Variants in UPF1 observed in about 807,000 individuals in gnomAD.
UPF1 encodes regulator of nonsense transcripts 1.
UPF1 carries 9 observed loss-of-function variants against 129.2 expected under a neutral mutation model. The ratio of observed to expected loss-of-function variants is 0.07; its 90% CI spans 0.04 to 0.12. UPF1 has a LOEUF of 0.12. UPF1 is among the 10% of genes least tolerant of loss of function. The pLI, the probability that UPF1 is intolerant of heterozygous loss-of-function variation, is 1.00. For synonymous variants in UPF1, 649 were observed against 644.9 expected, an observed-to-expected ratio of 1.01 and a Z score of -0.10; for missense variants, 788 against 1,525.3, an observed-to-expected ratio of 0.52 and a Z score of 8.05.
At position 18,857,445 on chromosome 19, in the gene UPF1, G is replaced by A. The variant is rs962123828; in HGVS notation, c.2094G>A (p.Leu698=). 3 of 1,613,706 alleles carry A rather than the reference G, an allele frequency of 1.9e-6. No individual in the cohort carries two copies. Among genetic ancestry groups the A allele is most frequent in the African/African-American group, 1.3e-5 (1 of 74,956 alleles). ...TGCTGGGCATCCGGCCCATCCGCCT[G>A]CAGGTCCAGTACCGGATGCACCCTG... is the stretch of plus-strand genomic sequence containing the variant. ...LVVLGIRPIR[L]QVQYRMHPAL... The change falls in exon 15 of 24, where the codon CTG becomes CTA. Residue 698 remains leucine, a synonymous_variant. Coordinates refer to ENST00000262803, the MANE Select transcript of UPF1 (RefSeq NM_002911.4).
At chr19:18,842,837 T>C (rs1354794323) in intron 1 of UPF1, among the ~76,000 whole-genome samples, 1 of 151,864 alleles carries the variant, frequency 6.6e-6, no homozygotes, top group Admixed American at 6.6e-5. Flanking sequence ...CTGTCTCTAC[T>C]AAAAATAGGC....
intron 1 of UPF1, among the ~76,000 whole-genome samples, chr19:18,833,578 G>A (rs1601089608): frequency 6.6e-6 from 1 of 152,054 alleles, no homozygotes; most frequent in East Asian, 1.9e-4. Flanking sequence ...GGGGGGTGGC[G>A]CGTGTTGCAC....
At position 18,850,429 on chromosome 19, in the gene UPF1, C is replaced by T. The variant is rs987300983; in HGVS notation, c.629+187C>T. 2.6e-5 allele frequency among the ~76,000 whole-genome samples: 4 copies of T among 152,212 alleles called. No homozygotes were observed. The highest frequency in any genetic ancestry group is 5.9e-5 in the Non-Finnish European group (4 of 68,038). ...AGGCTTGTTAAGGAGTCGGCAGTGC[C>T]GTGTAACTCTTTTGGGGCGTTCTGG... On this transcript the variant is annotated intron_variant, in intron 4 of 23. Coordinates refer to ENST00000262803, the MANE Select transcript of UPF1 (RefSeq NM_002911.4). This position sits in a 1 kb window ranked among gnomAD's most constrained non-coding sequence, Gnocchi z 7.1.
chr19:18,845,254 A>T (rs1237786071), intron 1 of UPF1, among the ~76,000 whole-genome samples: 2 of 152,148 alleles, frequency 1.3e-5, no homozygotes, highest in Admixed American at 6.5e-5. Context: ...TAGGTGGCCT[A>T]TGGGGGCCAT....
At position 18,832,205 on chromosome 19, in the gene UPF1, G is replaced by T. The variant is rs1409603450; in HGVS notation, c.-5G>T. 1 of 1,536,772 alleles carries T rather than the reference G, an allele frequency of 6.5e-7. No individual in the cohort carries two copies. Among genetic ancestry groups the T allele is most frequent in the Non-Finnish European group, 8.8e-7 (1 of 1,140,736 alleles). On this transcript the variant is annotated 5_prime_UTR_variant, in exon 1 of 24. Coordinates refer to ENST00000262803, the MANE Select transcript of UPF1 (RefSeq NM_002911.4). This position sits in a 1 kb window ranked among gnomAD's most constrained non-coding sequence, Gnocchi z 5.6. Reference sequence around the variant, plus strand: ...ACCGGCCCGAGGGCCCTACCCGGAGGCACCATGAGCGTGGAGGCGTACGGG... The same window carrying T: ...ACCGGCCCGAGGGCCCTACCCGGAGTCACCATGAGCGTGGAGGCGTACGGG...
chr19:18,832,417 G>A lies in UPF1; in HGVS notation c.208G>A (p.Ala70Thr). 1.0e-6 allele frequency: 1 copy of A among 998,178 alleles called. No individual in the cohort carries two copies. The highest frequency in any genetic ancestry group is 4.5e-5 in the South Asian group (1 of 22,232). 61.8% of individuals were successfully genotyped at this position (998,178 alleles called of 1,614,324 possible). A position where few individuals can be genotyped will look rare whatever the true frequency, so the allele number is the denominator to read the frequency against. The change falls in exon 1 of 24, where the codon GCG (alanine) becomes ACG (threonine). Residue 70 changes from alanine (A) to threonine (T), a missense_variant. Ala to Thr is a moderately conservative substitution (Grantham distance 58). This residue lies in a region of UPF1 where 112 missense variants were observed against 128.2 expected (regional missense o/e 0.87). Transcript: ENST00000262803. The surrounding 1 kb of genome is among the most constrained non-coding windows in gnomAD (Gnocchi z 5.6). ...GGPGGAGAGA[A>T]AGQLDAQVGP... ...CCCGGGCGGCGCGGGCGCGGGCGCT[G>A]CGGCGGGACAGCTCGACGCGCAGGT...
At chr19:18,834,509 C>T (rs756546252) in intron 1 of UPF1, among the ~76,000 whole-genome samples, 6 of 152,132 alleles carry the variant, frequency 3.9e-5, no homozygotes, top group Non-Finnish European at 7.3e-5. Context: ...CATTAAAACG[C>T]TCCCCTGGAG....
rs950220954 is a variant in UPF1 at position 18,856,381 on chromosome 19, ATTG to A, written c.1824+85_1824+87del. ...TGTTTGGGCCAAAGCACCTATTTGAATTGTTGCTTTGCTTCTGGAAAGAGAACT... is the reference window on the plus strand; with the variant it reads ...TGTTTGGGCCAAAGCACCTATTTGAATTGCTTTGCTTCTGGAAAGAGAACT... On this transcript the variant is annotated intron_variant, in intron 13 of 23. Transcript: ENST00000262803. 1.9e-5 allele frequency: 25 copies of A among 1,335,000 alleles called. No homozygotes were observed. In the African/African-American group the frequency reaches 3.5e-4, roughly 19 times the overall value. 82.7% of individuals were successfully genotyped at this position (1,335,000 alleles called of 1,614,324 possible).
chr19:18,865,688 CT>C lies in UPF1; in HGVS notation c.3148del (p.Ser1050LeufsTer5). 1 of 1,613,888 alleles carries C rather than the reference CT, an allele frequency of 6.2e-7. No individual in the cohort carries two copies. Reference sequence around the variant, plus strand: ...GCCAGGATGTGGCGTCACAGCCCTTCTCTCAGGGCGCCCTGACGCAGGGCTA... The same window carrying C: ...GCCAGGATGTGGCGTCACAGCCCTTCCTCAGGGCGCCCTGACGCAGGGCTA... ...ASQDVASQPF[S>X]QGALTQGYIS... is the part of the protein sequence containing the mutation. On this transcript the variant is annotated frameshift_variant, in exon 22 of 24. Transcript: ENST00000262803. LOFTEE classifies it high-confidence loss of function. The surrounding 1 kb of genome is among the most constrained non-coding windows in gnomAD (Gnocchi z 6.1).
At chr19:18,843,115 G>A (rs781690063) in intron 1 of UPF1, among the ~76,000 whole-genome samples, 1 of 152,142 alleles carries the variant, frequency 6.6e-6, no homozygotes, top group African/African-American at 2.4e-5. Context: ...GAGCCATCAC[G>A]CCTGGCCTCC....
At position 18,867,129 on chromosome 19, in the gene UPF1, T is replaced by G. The variant is rs1461536605; in HGVS notation, c.*612T>G. On this transcript the variant is annotated 3_prime_UTR_variant, in exon 24 of 24. Coordinates refer to ENST00000262803, the MANE Select transcript of UPF1 (RefSeq NM_002911.4). ...AAGAATACTTTCCTAAGTTTGTCTG[T>G]AAAATCTTAGCGGTGGACCTGGGAG... 6.6e-6 allele frequency: 1 copy of G among 152,568 alleles called. No homozygotes were observed. Among genetic ancestry groups the G allele is most frequent in the African/African-American group, 2.4e-5 (1 of 41,464 alleles). 9.5% of individuals were successfully genotyped at this position (152,568 alleles called of 1,614,324 possible).
chr19:18,832,452 A>G lies in UPF1; in HGVS notation c.231+12A>G, dbSNP rs1488355835. Reference sequence around the variant, plus strand: ...AGCTCGACGCGCAGGTGAGCGGCACATGGCGGTGCCGGAAGCCCGGGCCCG... The same window carrying G: ...AGCTCGACGCGCAGGTGAGCGGCACGTGGCGGTGCCGGAAGCCCGGGCCCG... On this transcript the variant is annotated intron_variant, in intron 1 of 23. Transcript: ENST00000262803. The surrounding 1 kb of genome is among the most constrained non-coding windows in gnomAD (Gnocchi z 5.6). 6.0e-6 allele frequency: 6 copies of G among 996,958 alleles called. No individual in the cohort carries two copies. In the South Asian group the frequency reaches 1.4e-4, roughly 22 times the overall value. The allele number at this position is 996,958 out of a possible 1,614,324, so 61.8% of individuals were successfully genotyped here. A position where few individuals can be genotyped will look rare whatever the true frequency, so the allele number is the denominator to read the frequency against.
Position 18,854,643 on chromosome 19 carries a change from G to T in UPF1, c.1199G>T (p.Gly400Val). The change falls in exon 9 of 24, where the codon GGT becomes GTT. Residue 400 changes from glycine (G) to valine (V), a missense_variant. Transcript: ENST00000262803. ...GCCATTGAGCTGCGGAGCAGCGTGG[G>T]TGCACCTGTGGAGGTGACTCACAAC... is the stretch of plus-strand genomic sequence containing the variant. ...EIAIELRSSVGAPVEVTHNFQ... is the reference protein window; with the variant it reads ...EIAIELRSSVVAPVEVTHNFQ... The T allele has an allele frequency of 6.2e-7, 1 of 1,614,148 alleles. No individual in the cohort carries two copies. Among genetic ancestry groups the T allele is most frequent in the Non-Finnish European group, 8.5e-7 (1 of 1,180,006 alleles).
chr19:18,860,211 T>C, intron 15 of UPF1, 110 bp from the exon 16 acceptor site: 1 of 1,167,294 alleles, frequency 8.6e-7, no homozygotes, highest in South Asian at 1.4e-5. Flanking sequence ...CGAAGTCTCC[T>C]GCCCCAGGAC....
At chr19:18,846,266 C>CAGGCCATGTGCACAGCCA in intron 2 of UPF1, 147 bp downstream of exon 2, 1 of 1,257,532 alleles carries the variant, frequency 8.0e-7, no homozygotes. Context: ...GGAAATTGCT[C>CAGGCCATGTGCACAGCCA]AGGCCATGTG....
At chr19:18,840,141 G>T (rs1361959088) in intron 1 of UPF1, among the ~76,000 whole-genome samples, 1 of 152,154 alleles carries the variant, frequency 6.6e-6, no homozygotes, top group African/African-American at 2.4e-5. Context: ...TGGAGGTTGG[G>T]CATTGTGGCC....
chr19:18,860,618 A>T (rs1047545573), intron 16 of UPF1, among the ~76,000 whole-genome samples, 180 bp downstream of exon 16: 2 of 151,996 alleles, frequency 1.3e-5, no homozygotes, highest in African/African-American at 4.8e-5. Flanking sequence ...CTTGTTTTTT[A>T]TTGGGCAGAT....
Position 18,860,308 on chromosome 19 carries a change from C to T in UPF1, c.2183-13C>T, listed in dbSNP as rs375682378. 6.2e-7 allele frequency: 1 copy of T among 1,613,518 alleles called. No homozygotes were observed. The highest frequency in any genetic ancestry group is 8.5e-7 in the Non-Finnish European group (1 of 1,179,668). On this transcript the variant is annotated splice_polypyrimidine_tract_variant and intron_variant, in intron 15 of 23. Transcript: ENST00000262803. ...GGGCTTTTGAAGTGTTACTTCTTTCCCTCCCCTCACAGCGGATCGTGTGAA... is the reference window on the plus strand; with the variant it reads ...GGGCTTTTGAAGTGTTACTTCTTTCTCTCCCCTCACAGCGGATCGTGTGAA...
In UPF1 at chr19:18,853,937, G is replaced by T. The variant is rs1004961807; in HGVS notation, c.1156+587G>T. ...TGCCTCTTGGTGACTGGCCAATGCT[G>T]CTGGGGCCTGACCATTCAGCGGTGG... is the stretch of plus-strand genomic sequence containing the variant. On this transcript the variant is annotated intron_variant, in intron 8 of 23. Coordinates refer to ENST00000262803, the MANE Select transcript of UPF1 (RefSeq NM_002911.4). This position sits in a 1 kb window ranked among gnomAD's most constrained non-coding sequence, Gnocchi z 4.4. Among the ~76,000 whole-genome samples, 1 of 152,218 alleles carries T rather than the reference G, an allele frequency of 6.6e-6. No individual in the cohort carries two copies. The highest frequency in any genetic ancestry group is 1.5e-5 in the Non-Finnish European group (1 of 68,044).
Sources: allele counts gnomAD v4.1 joint callset (sites outside exome capture counted in the v4.1 genomes callset), GRCh38; gene constraint gnomAD v4.1.1; regional missense constraint gnomAD v4.1.1; non-coding constraint Gnocchi (gnomAD v3.1); transcripts MANE v1.5; gene names NCBI Gene and HGNC (gene_info 2026-07-23, HGNC 2026-07-21).